The following ZSWIM6 variants were observed in gnomAD, a reference collection of about 807,000 sequenced individuals.
The protein encoded by ZSWIM6 is zinc finger SWIM domain-containing protein 6.
In ZSWIM6, 9 loss-of-function variants were observed where a neutral mutation model predicts 113.2. The ratio of observed to expected loss-of-function variants is 0.08; its 90% CI spans 0.05 to 0.14. The LOEUF (loss-of-function observed/expected upper bound fraction) is 0.14, where lower values mean the gene tolerates loss of function less well. ZSWIM6 is among the 10% of genes least tolerant of loss of function. ZSWIM6 has a pLI of 1.00. For synonymous variants in ZSWIM6, 611 were observed against 606.5 expected (o/e 1.01, Z -0.11); for missense variants, 1,162 against 1,552.2 (o/e 0.75, Z 4.22).
chr5:61,427,651 A>T (rs1218255285), intron 1 of ZSWIM6, among the ~76,000 whole-genome samples: 2 of 148,008 alleles, frequency 1.4e-5, no homozygotes, highest in Admixed American at 6.7e-5. Context: ...GTTAATTTTT[A>T]TTTTTTTTTT....
chr5:61,442,196 T>C (rs1009944482), intron 1 of ZSWIM6, among the ~76,000 whole-genome samples: 24 of 152,078 alleles, frequency 1.6e-4, no homozygotes, highest in South Asian at 2.1e-4. Flanking sequence ...GGTCTGATGG[T>C]TGGTTTCTTG....
intron 1 of ZSWIM6, among the ~76,000 whole-genome samples, chr5:61,360,790 T>C (rs1745020064): frequency 6.6e-6 from 1 of 152,220 alleles, no homozygotes; most frequent in African/African-American, 2.4e-5. Flanking sequence ...TCTTTGATCT[T>C]TTCCTGGCTT....
chr5:61,477,514 AG>A (rs1338583463), intron 2 of ZSWIM6, among the ~76,000 whole-genome samples: 6 of 152,344 alleles, frequency 3.9e-5, no homozygotes, highest in Non-Finnish European at 5.9e-5. Context: ...AGCTTCACCC[AG>A]GTGTGCATTC....
At chr5:61,494,155 GA>G in intron 3 of ZSWIM6, 104 bp from the exon 4 acceptor site, 1 of 1,246,286 alleles carries the variant, frequency 8.0e-7, no homozygotes, top group Non-Finnish European at 1.1e-6. Context: ...CGGAGAGAGA[GA>G]GAGAGAAACA....
Position 61,373,764 on chromosome 5 carries a change from A to G in ZSWIM6, c.676+40816A>G, listed in dbSNP as rs769089658. ...GGCCCTTCATCATCTGGCCCCACCT[A>G]CTTCTTTAATATCATATCTTACTCC... is the stretch of plus-strand genomic sequence containing the variant. On this transcript the variant is annotated intron_variant, in intron 1 of 13. Transcript: ENST00000252744. Among the ~76,000 whole-genome samples, 3 of 152,112 alleles carry G rather than the reference A, an allele frequency of 2.0e-5. No homozygotes were observed. The South Asian group carries it at 6.2e-4, about 32-fold the overall frequency.
At chr5:61,358,010 C>T (rs1744955018) in intron 1 of ZSWIM6, among the ~76,000 whole-genome samples, 1 of 152,176 alleles carries the variant, frequency 6.6e-6, no homozygotes, top group South Asian at 2.1e-4. Flanking sequence ...TGACAACTTT[C>T]CTGGAACATC....
intron 1 of ZSWIM6, among the ~76,000 whole-genome samples, chr5:61,336,312 A>G (rs1298120043): frequency 1.3e-5 from 2 of 152,170 alleles, no homozygotes; most frequent in Admixed American, 6.5e-5. Context: ...AGCTGCCTCT[A>G]TAGGTGCTGG....
chr5:61,420,332 C>G lies in ZSWIM6; in HGVS notation c.677-52349C>G, dbSNP rs932355828. On this transcript the variant is annotated intron_variant, in intron 1 of 13. Transcript: ENST00000252744. The stretch of plus-strand genomic sequence containing the variant: ...AATGATACTAATGTCCAGCTTTTTA[C>G]TATATATCTGAAAGTTTTAACAATA... Among the ~76,000 whole-genome samples the G allele has an allele frequency of 4.6e-5, 7 of 152,332 alleles. No homozygotes were observed. In the East Asian group the frequency reaches 1.2e-3, roughly 25 times the overall value.
At chr5:61,336,043 G>A (rs1481633222) in intron 1 of ZSWIM6, among the ~76,000 whole-genome samples, 2 of 151,672 alleles carry the variant, frequency 1.3e-5, no homozygotes, top group African/African-American at 2.4e-5. Context: ...TGGGTGGATC[G>A]CTTGAGCTCA....
intron 4 of ZSWIM6, among the ~76,000 whole-genome samples, chr5:61,505,477 G>C (rs918473549): frequency 6.6e-6 from 1 of 152,064 alleles, no homozygotes; most frequent in Non-Finnish European, 1.5e-5. Context: ...TATCTTTCAT[G>C]TTGACTGACT....
At chr5:61,514,827 T>A (rs1233158580) in intron 4 of ZSWIM6, among the ~76,000 whole-genome samples, 1 of 152,160 alleles carries the variant, frequency 6.6e-6, no homozygotes, top group East Asian at 1.9e-4. Context: ...TGATCTGCAG[T>A]TGAGCCTACT....
chr5:61,390,704 G>T, intron 1 of ZSWIM6: 1 of 833,050 alleles, frequency 1.2e-6, no homozygotes. Flanking sequence ...GGTCTTTCTT[G>T]AGTGGTGCCA....
At chr5:61,364,176 C>T (rs567709752) in intron 1 of ZSWIM6, among the ~76,000 whole-genome samples, 1 of 152,188 alleles carries the variant, frequency 6.6e-6, no homozygotes, top group Admixed American at 6.5e-5. Flanking sequence ...TCCTGAGTAG[C>T]TGGGACTACA....
At chr5:61,363,055 G>A (rs1745064743) in intron 1 of ZSWIM6, among the ~76,000 whole-genome samples, 1 of 152,178 alleles carries the variant, frequency 6.6e-6, no homozygotes, top group African/African-American at 2.4e-5. Flanking sequence ...CCCACTATTT[G>A]AAAAACACTG....
intron 1 of ZSWIM6, among the ~76,000 whole-genome samples, chr5:61,388,709 A>T (rs1442854925): frequency 4.6e-5 from 7 of 152,254 alleles, no homozygotes; most frequent in Non-Finnish European, 1.0e-4. Flanking sequence ...TGGCTCAAAA[A>T]TATCTATACT....
chr5:61,543,684 G>A lies in ZSWIM6; in HGVS notation c.3015G>A (p.Lys1005=). The A allele has an allele frequency of 6.4e-7, 1 of 1,551,714 alleles. No individual in the cohort carries two copies. The highest frequency in any genetic ancestry group is 8.7e-7 in the Non-Finnish European group (1 of 1,147,004). The change falls in exon 14 of 14, where the codon AAG becomes AAA. Residue 1005 remains lysine (K), a synonymous_variant. Coordinates refer to ENST00000252744, the MANE Select transcript of ZSWIM6 (RefSeq NM_020928.2). This position sits in a 1 kb window ranked among gnomAD's most constrained non-coding sequence, Gnocchi z 4.3. ...CALSALTLCE[K]DHIAFETAYQ... Reference sequence around the variant, plus strand: ...TCTCTGCGCTAACCCTTTGTGAAAAGGATCACATAGCTTTTGAGACGGCGT... The same window carrying A: ...TCTCTGCGCTAACCCTTTGTGAAAAAGATCACATAGCTTTTGAGACGGCGT...
intron 5 of ZSWIM6, among the ~76,000 whole-genome samples, chr5:61,524,973 T>C (rs1749239128): frequency 1.3e-5 from 2 of 152,136 alleles, no homozygotes; most frequent in Admixed American, 1.3e-4. Context: ...GGAGTTGAGG[T>C]GAGAATATCC....
chr5:61,419,219 TG>T (rs1194975730), intron 1 of ZSWIM6, among the ~76,000 whole-genome samples: 1 of 152,270 alleles, frequency 6.6e-6, no homozygotes, highest in East Asian at 1.9e-4. Flanking sequence ...ATTTGCCCTT[TG>T]TATTTGATAC....
chr5:61,363,577 G>A (rs1224357610), intron 1 of ZSWIM6, among the ~76,000 whole-genome samples: 7 of 152,002 alleles, frequency 4.6e-5, no homozygotes, highest in South Asian at 4.1e-4. Flanking sequence ...ATCATATTAC[G>A]GAAACTTATT....
Sources: gnomAD v4.1 joint callset for allele counts (sites outside exome capture counted in the v4.1 genomes callset) on GRCh38, gnomAD v4.1.1 for gene constraint, Gnocchi (gnomAD v3.1) non-coding constraint, MANE v1.5 for transcripts, NCBI Gene and HGNC (gene_info 2026-07-23, HGNC 2026-07-21) for gene names.